Variants in RUNX2 observed in about 807,000 individuals in gnomAD.
The protein encoded by RUNX2 is RUNX family transcription factor 2, also known as runt-related transcription factor 2.
In RUNX2, 10 loss-of-function variants were observed where a neutral mutation model predicts 51.7. The observed-to-expected ratio is 0.19, with a 90% CI of 0.12 to 0.33. The LOEUF (loss-of-function observed/expected upper bound fraction) is 0.33. Among genes scored for constraint, RUNX2 ranks in the 10% least tolerant of loss-of-function variants. RUNX2 has a pLI of 1.00. For synonymous variants in RUNX2, 276 were observed against 273.6 expected (o/e 1.01, Z -0.09); for missense variants, 562 against 691.3 (o/e 0.81, Z 2.10).
intron 5 of RUNX2, among the ~76,000 whole-genome samples, chr6:45,482,586 A>G (rs949908321): frequency 3.9e-5 from 6 of 152,188 alleles, no homozygotes; most frequent in African/African-American, 1.4e-4. Context: ...CACACATCTA[A>G]TTGTATTTAA....
At chr6:45,535,271 G>A (rs936810595) in intron 7 of RUNX2, among the ~76,000 whole-genome samples, 4 of 152,092 alleles carry the variant, frequency 2.6e-5, no homozygotes, top group Admixed American at 6.5e-5. Flanking sequence ...GGCTATAGAG[G>A]TGATTGCGCG....
At chr6:45,350,311 G>A (rs1443827912) in intron 2 of RUNX2, among the ~76,000 whole-genome samples, 6 of 152,132 alleles carry the variant, frequency 3.9e-5, no homozygotes, top group Admixed American at 1.3e-4. Flanking sequence ...TAATCTTCTA[G>A]ATTAAATGTG....
intron 7 of RUNX2, among the ~76,000 whole-genome samples, chr6:45,536,503 A>T (rs953328713): frequency 6.6e-6 from 1 of 152,204 alleles, no homozygotes; most frequent in Non-Finnish European, 1.5e-5. Flanking sequence ...AAGGCCCAGG[A>T]TGGCCTCAGG....
At position 45,508,362 on chromosome 6, in the gene RUNX2, G is replaced by T. The variant is rs571120104; in HGVS notation, c.860-3884G>T. Among the ~76,000 whole-genome samples, 12 of 151,436 alleles carry T rather than the reference G, an allele frequency of 7.9e-5. No homozygotes were observed. The East Asian group carries it at 2.2e-3, about 27-fold the overall frequency. On this transcript the variant is annotated intron_variant, in intron 6 of 8. Coordinates refer to ENST00000647337, the MANE Select transcript of RUNX2 (RefSeq NM_001024630.4). ...TCCTGCCTCAGCCTCCTGAGTAGCT[G>T]GGATTACAGGCATGTGCCACCACGC...
At chr6:45,497,410 A>G (rs2150410884) in intron 6 of RUNX2, among the ~76,000 whole-genome samples, 1 of 152,126 alleles carries the variant, frequency 6.6e-6, no homozygotes, top group East Asian at 1.9e-4. Flanking sequence ...CCATCATGTT[A>G]TTTATTGTGA....
At chr6:45,491,387 GT>G (rs745865881) in intron 5 of RUNX2, among the ~76,000 whole-genome samples, 14 of 152,058 alleles carry the variant, frequency 9.2e-5, no homozygotes, top group South Asian at 2.1e-4. Context: ...TCTTAAAGGG[GT>G]TTAGGTTTGA....
At chr6:45,437,326 G>A (rs904084819) in intron 4 of RUNX2, among the ~76,000 whole-genome samples, 3 of 152,154 alleles carry the variant, frequency 2.0e-5, no homozygotes, top group African/African-American at 4.8e-5. Context: ...TGTATGTTAG[G>A]GGAGGGGTGG....
chr6:45,388,553 G>A (rs1797405702), intron 2 of RUNX2, among the ~76,000 whole-genome samples: 1 of 152,214 alleles, frequency 6.6e-6, no homozygotes, highest in South Asian at 2.1e-4. Flanking sequence ...TGATTTTGAA[G>A]TAAGTTAATG....
intron 6 of RUNX2, among the ~76,000 whole-genome samples, chr6:45,511,297 A>G (rs1351371509): frequency 6.6e-6 from 1 of 152,240 alleles, no homozygotes; most frequent in African/African-American, 2.4e-5. Context: ...ATGTTCAGCA[A>G]TTAAACCTAA....
chr6:45,493,693 A>T (rs1381992534), intron 6 of RUNX2, among the ~76,000 whole-genome samples: 4 of 151,896 alleles, frequency 2.6e-5, no homozygotes, highest in Non-Finnish European at 5.9e-5. Flanking sequence ...TTAAGGCATA[A>T]AATAGCTTTC....
At chr6:45,495,851 C>A (rs1355169926) in intron 6 of RUNX2, among the ~76,000 whole-genome samples, 1 of 152,212 alleles carries the variant, frequency 6.6e-6, no homozygotes, top group Non-Finnish European at 1.5e-5. Flanking sequence ...AACTTCTAGC[C>A]ATGTGGTAGC....
chr6:45,453,378 G>T (rs1356704651), intron 5 of RUNX2, among the ~76,000 whole-genome samples: 1 of 152,214 alleles, frequency 6.6e-6, no homozygotes, highest in Non-Finnish European at 1.5e-5. Flanking sequence ...TGGAGGGCCA[G>T]TTCCATATTT....
At chr6:45,392,079 G>C (rs950771389) in intron 2 of RUNX2, among the ~76,000 whole-genome samples, 5 of 152,072 alleles carry the variant, frequency 3.3e-5, no homozygotes, top group Admixed American at 1.3e-4. Flanking sequence ...CATTTTCCTT[G>C]CTTGTACAGT....
intron 7 of RUNX2, among the ~76,000 whole-genome samples, chr6:45,531,324 C>T (rs926754005): frequency 2.0e-5 from 3 of 152,270 alleles, no homozygotes; most frequent in South Asian, 4.1e-4. Context: ...TGGTTTGATG[C>T]AGATCAGAGA....
intron 7 of RUNX2, among the ~76,000 whole-genome samples, chr6:45,533,218 A>G (rs1801919004): frequency 6.6e-6 from 1 of 152,004 alleles, no homozygotes; most frequent in Non-Finnish European, 1.5e-5. Context: ...TTTTTTAAAA[A>G]ATTTGCTCTA....
intron 2 of RUNX2, among the ~76,000 whole-genome samples, chr6:45,334,010 G>A (rs1319712080): frequency 1.3e-5 from 2 of 151,314 alleles, no homozygotes; most frequent in Non-Finnish European, 3.0e-5. Context: ...TCATACTGAT[G>A]TTAGAAAATT....
intron 7 of RUNX2, among the ~76,000 whole-genome samples, chr6:45,533,749 G>A (rs1004492974): frequency 1.3e-5 from 2 of 152,100 alleles, no homozygotes; most frequent in Admixed American, 6.5e-5. Flanking sequence ...TTAAATAAAA[G>A]GTAGTAGTTT....
At chr6:45,429,761 G>A (rs1345648219) in intron 3 of RUNX2, among the ~76,000 whole-genome samples, 4 of 152,112 alleles carry the variant, frequency 2.6e-5, no homozygotes, top group African/African-American at 7.2e-5. Context: ...CTGTCTCTGC[G>A]AAGTGGGGCT....
At chr6:45,354,626 CACAT>C (rs1792770461) in intron 2 of RUNX2, among the ~76,000 whole-genome samples, 1 of 95,104 alleles carries the variant, frequency 1.1e-5, no homozygotes, top group Non-Finnish European at 2.3e-5. Flanking sequence ...AATGCACGCA[CACAT>C]ACACACACAC....
Sources: gnomAD v4.1 joint callset for allele counts (sites outside exome capture counted in the v4.1 genomes callset) on GRCh38, gnomAD v4.1.1 for gene constraint, MANE v1.5 for transcripts, NCBI Gene and HGNC (gene_info 2026-07-23, HGNC 2026-07-21) for gene names.